The following B4GALT4 variants were observed in gnomAD, a reference collection of about 807,000 sequenced individuals.
The protein encoded by B4GALT4 is N-acetyllactosamine synthase.
A neutral mutation model predicts 37.3 loss-of-function variants in B4GALT4; 27 were observed. The observed-to-expected ratio is 0.72, with a 90% CI of 0.53 to 1.00. The LOEUF is 1.00. Ranked by LOEUF, B4GALT4 falls within the 50% of genes least tolerant of loss-of-function variation. The probability of loss-of-function intolerance (pLI) is 0.00; values close to 1 mark genes in which losing one functional copy is unlikely to be tolerated. For missense variants in B4GALT4, 372 were observed against 413.1 expected (o/e 0.90, Z 0.86); for synonymous variants, 148 against 154.1 (o/e 0.96, Z 0.29).
At chr3:119,214,625 G>A (rs1040779319) in intron 7 of B4GALT4, 3 of 152,144 alleles carry the variant, frequency 2.0e-5, no homozygotes, top group African/African-American at 7.2e-5. Flanking sequence ...GAAACACCAA[G>A]TCATTAGTCT....
intron 5 of B4GALT4, among the ~76,000 whole-genome samples, chr3:119,223,672 G>T (rs1462547551): frequency 6.7e-6 from 1 of 148,574 alleles, no homozygotes; most frequent in Non-Finnish European, 1.5e-5. Context: ...CTCAACAGAG[G>T]TCTCACTAAG....
chr3:119,240,432 C>G (rs2079120129), intron 1 of B4GALT4: 1 of 152,280 alleles, frequency 6.6e-6, no homozygotes, highest in Non-Finnish European at 1.5e-5. Flanking sequence ...TCAGTTTCCC[C>G]GTTGAAACGC....
At chr3:119,218,554 G>A in intron 6 of B4GALT4, 96 bp downstream of exon 6, 2 of 1,541,356 alleles carry the variant, frequency 1.3e-6, no homozygotes, top group Non-Finnish European at 1.8e-6. Flanking sequence ...CTAGTGACCT[G>A]CTGGACTGGC....
At chr3:119,217,059 C>T (rs937613390) in intron 6 of B4GALT4, among the ~76,000 whole-genome samples, 5 of 152,200 alleles carry the variant, frequency 3.3e-5, no homozygotes, top group Non-Finnish European at 7.3e-5. Flanking sequence ...CTTAGTTTAT[C>T]TACCACATTA....
rs76308775 is a variant in B4GALT4, at chr3:119,223,412, T to C, written c.674+646A>G. On this transcript the variant is annotated intron_variant, in intron 5 of 7. Coordinates refer to ENST00000393765, the MANE Select transcript of B4GALT4 (RefSeq NM_003778.4). ...TGCAGAGAAACATTCTGTGTCACTA[T>C]TCCCGCTTGGTTGTGCTTGAATAGG... Among the ~76,000 whole-genome samples, 1,389 of 152,340 alleles carry C rather than the reference T, an allele frequency of 9.1e-3. 43 individuals carry two copies. In the East Asian group the frequency reaches 0.13, roughly 14 times the overall value.
intron 1 of B4GALT4, among the ~76,000 whole-genome samples, chr3:119,237,428 T>C (rs1250727034): frequency 6.6e-6 from 1 of 152,232 alleles, no homozygotes; most frequent in Non-Finnish European, 1.5e-5. Flanking sequence ...TAAAAAGCAT[T>C]TCTCAACATC....
At chr3:119,223,452 A>G (rs1336525770) in intron 5 of B4GALT4, among the ~76,000 whole-genome samples, 2 of 152,244 alleles carry the variant, frequency 1.3e-5, no homozygotes, top group Admixed American at 6.5e-5. Context: ...GGTGAATCAA[A>G]TAAGGCTGAA....
chr3:119,219,247 C>T (rs1011823832), intron 5 of B4GALT4, among the ~76,000 whole-genome samples: 4 of 152,156 alleles, frequency 2.6e-5, no homozygotes, highest in Non-Finnish European at 5.9e-5. Flanking sequence ...CAGGAGACAG[C>T]TCCCGCACAC....
At chr3:119,217,744 G>A (rs2078330927) in intron 6 of B4GALT4, among the ~76,000 whole-genome samples, 1 of 151,062 alleles carries the variant, frequency 6.6e-6, no homozygotes, top group South Asian at 2.1e-4. Flanking sequence ...TCGGGAGGCT[G>A]AGGCTGGAGA....
intron 2 of B4GALT4, among the ~76,000 whole-genome samples, chr3:119,231,212 C>T (rs908631356): frequency 2.0e-5 from 3 of 152,112 alleles, no homozygotes; most frequent in Admixed American, 6.5e-5. Flanking sequence ...TAAGAGGGGG[C>T]TATGCTCTTA....
chr3:119,216,209 A>G, intron 7 of B4GALT4, 31 bp downstream of exon 7: 3 of 1,536,566 alleles, frequency 2.0e-6, no homozygotes, highest in East Asian at 2.3e-5. Flanking sequence ...CTAGGGAGGT[A>G]GCCTGCTAGG....
chr3:119,236,079 T>C (rs1475726934), intron 2 of B4GALT4: 1 of 152,178 alleles, frequency 6.6e-6, no homozygotes, highest in African/African-American at 2.4e-5. Context: ...AGTCTCAAAG[T>C]ATCTTCCCCA....
intron 6 of B4GALT4, among the ~76,000 whole-genome samples, chr3:119,217,739 A>C (rs1449761470): frequency 6.8e-6 from 1 of 146,724 alleles, no homozygotes. Context: ...GCTACTCGGG[A>C]GGCTGAGGCT....
intron 6 of B4GALT4, among the ~76,000 whole-genome samples, chr3:119,217,743 T>C (rs375284932): frequency 3.8e-4 from 56 of 147,456 alleles, no homozygotes; most frequent in Admixed American, 1.9e-3. Context: ...CTCGGGAGGC[T>C]GAGGCTGGAG....
At chr3:119,224,270 G>C (rs764786237) in intron 4 of B4GALT4, 25 bp from the exon 5 acceptor site, 2 of 1,546,212 alleles carry the variant, frequency 1.3e-6, no homozygotes, top group Admixed American at 2.0e-5. Context: ...ATTAAAACTT[G>C]AAAAGCTCCT....
At position 119,212,023 on chromosome 3, in the gene B4GALT4, T is replaced by C. The variant is rs906356904; in HGVS notation, c.*526A>G. On this transcript the variant is annotated 3_prime_UTR_variant, in exon 8 of 8. Transcript: ENST00000393765. ...TACCTCTTCATTCCCAAGTTCACTG[T>C]GTCCTGATTCGTCGCCTTTTCTCCC... The C allele has an allele frequency of 4.9e-5, 31 of 627,746 alleles. No homozygotes were observed. The highest frequency in any genetic ancestry group is 7.2e-5 in the Non-Finnish European group (25 of 348,758). The allele number at this position is 627,746 out of a possible 1,614,324, so 38.9% of individuals were successfully genotyped here.
chr3:119,228,183 CCTGA>C (rs2078685363), intron 3 of B4GALT4, among the ~76,000 whole-genome samples: 1 of 152,206 alleles, frequency 6.6e-6, no homozygotes, highest in African/African-American at 2.4e-5. Flanking sequence ...CCATCGTTAA[CCTGA>C]CTGTGTCTCT....
rs765280694 is a variant in B4GALT4 at position 119,229,884 on chromosome 3, T to C, written c.216A>G (p.Val72=). 1.2e-6 allele frequency: 2 copies of C among 1,614,208 alleles called. No homozygotes were observed. The highest frequency in any genetic ancestry group is 1.1e-5 in the South Asian group (1 of 91,086). ...TLTNEASTKK[V]ELDNCPSVSP... ...ACACAGAAGGGCAGTTGTCAAGTTC[T>C]ACCTTCTTCGTGGATGCTTCATTAG... Residue 72 remains valine (V), a synonymous_variant, in exon 3 of 8, where the codon GTA becomes GTG. Transcript: ENST00000393765.
Position 119,212,015 on chromosome 3 carries a change from G to A in B4GALT4, c.*534C>T. 1.6e-6 allele frequency: 1 copy of A among 614,560 alleles called. No individual in the cohort carries two copies. The highest frequency in any genetic ancestry group is 2.9e-6 in the Non-Finnish European group (1 of 342,470). 38.1% of individuals were successfully genotyped at this position (614,560 alleles called of 1,614,324 possible). ...CCTCCTGCTACCTCTTCATTCCCAA[G>A]TTCACTGTGTCCTGATTCGTCGCCT... On this transcript the variant is annotated 3_prime_UTR_variant, in exon 8 of 8. Transcript: ENST00000393765.
Sources: allele counts gnomAD v4.1 joint callset (sites outside exome capture counted in the v4.1 genomes callset), GRCh38; gene constraint gnomAD v4.1.1; transcripts MANE v1.5; gene names NCBI Gene and HGNC (gene_info 2026-07-23, HGNC 2026-07-21).